The following TASOR2 variants were observed in gnomAD, a reference collection of about 807,000 sequenced individuals.
TASOR2 encodes the protein transcription activation suppressor family member 2, also known as protein TASOR 2.
TASOR2 carries 84 observed loss-of-function variants against 199.5 expected under a neutral mutation model. That is an observed-to-expected ratio of 0.42 (90% CI 0.35 to 0.50). The LOEUF is 0.50. TASOR2 is among the 20% of genes least tolerant of loss of function. The probability of loss-of-function intolerance (pLI) is 0.02; values close to 1 mark genes in which losing one functional copy is unlikely to be tolerated. For missense variants in TASOR2, 2,796 were observed against 2,835.9 expected, an observed-to-expected ratio of 0.99 and a Z score of 0.32; for synonymous variants, 1,103 against 1,046.6, an observed-to-expected ratio of 1.05 and a Z score of -1.04.
intron 2 of TASOR2, among the ~76,000 whole-genome samples, chr10:5,716,744 G>A (rs1488714692): frequency 1.3e-5 from 2 of 151,788 alleles, no homozygotes; most frequent in African/African-American, 2.4e-5. Context: ...GCCAAACCCC[G>A]TCTCTACTAA....
intron 14 of TASOR2, among the ~76,000 whole-genome samples, chr10:5,744,417 CTCA>C (rs1325513522): frequency 6.6e-6 from 1 of 152,214 alleles, no homozygotes; most frequent in Non-Finnish European, 1.5e-5. Context: ...ATTCTCCTGC[CTCA>C]GCCTCCCTAG....
chr10:5,753,285 C>G (rs1373435272), intron 15 of TASOR2, among the ~76,000 whole-genome samples: 1 of 152,174 alleles, frequency 6.6e-6, no homozygotes, highest in Non-Finnish European at 1.5e-5. Flanking sequence ...TTTCTTCAAA[C>G]TTGTGGAAGC....
At chr10:5,712,322 T>C (rs1023717140) in intron 1 of TASOR2, 3 of 1,076,182 alleles carry the variant, frequency 2.8e-6, no homozygotes, top group Middle Eastern at 3.4e-4. Flanking sequence ...TTGAGTGATA[T>C]TCAGTGTGTC....
chr10:5,742,234 A>C lies in TASOR2; in HGVS notation c.2465A>C (p.Lys822Thr). The change falls in exon 14 of 21, where the codon AAA becomes ACA. Residue 822 changes from lysine to threonine, a missense_variant. By Grantham distance (78) the Lys-to-Thr change is moderately conservative. Transcript: ENST00000328090. The surrounding 1 kb of genome is among the most constrained non-coding windows in gnomAD (Gnocchi z 4.2). Reference sequence around the variant, plus strand: ...GTTGTAGAACACAGCAACCCAGCAAAATATGTGTCTATAAATAGCACGTTA... The same window carrying C: ...GTTGTAGAACACAGCAACCCAGCAACATATGTGTCTATAAATAGCACGTTA... 1 of 1,614,184 alleles carries C rather than the reference A, an allele frequency of 6.2e-7. No homozygotes were observed. The highest frequency in any genetic ancestry group is 8.5e-7 in the Non-Finnish European group (1 of 1,180,030).
intron 11 of TASOR2, among the ~76,000 whole-genome samples, chr10:5,734,137 G>A (rs1455329850): frequency 6.6e-6 from 1 of 152,164 alleles, no homozygotes; most frequent in African/African-American, 2.4e-5. Context: ...AACATTAAAT[G>A]TGTGATTATT....
rs769884287 is a variant in TASOR2 at position 5,720,848 on chromosome 10, C to A, written c.47-23C>A. The A allele has an allele frequency of 4.4e-6, 7 of 1,592,592 alleles. No individual in the cohort carries two copies. Among genetic ancestry groups the A allele is most frequent in the Non-Finnish European group, 6.0e-6 (7 of 1,173,348 alleles). The stretch of plus-strand genomic sequence containing the variant: ...ATGTTTCATCATAAATAATCAGTTT[C>A]TTTTTTACCTTCATTTCTTCAGTTC... On this transcript the variant is annotated intron_variant, in intron 5 of 20. Transcript: ENST00000328090. The surrounding 1 kb of genome is among the most constrained non-coding windows in gnomAD (Gnocchi z 5.3).
intron 1 of TASOR2, among the ~76,000 whole-genome samples, chr10:5,700,724 G>A (rs1837718730): frequency 1.3e-5 from 2 of 152,030 alleles, no homozygotes; most frequent in East Asian, 3.9e-4. Flanking sequence ...CCATTTTTAT[G>A]TCTTCTTTTG....
chr10:5,723,867 C>A, intron 7 of TASOR2, 90 bp downstream of exon 8: 2 of 691,006 alleles, frequency 2.9e-6, no homozygotes, highest in Non-Finnish European at 4.6e-6. Flanking sequence ...ATGCACACTT[C>A]TGTTTCATCA....
At chr10:5,725,791 A>G (rs1833984186) in intron 8 of TASOR2, among the ~76,000 whole-genome samples, 1 of 152,120 alleles carries the variant, frequency 6.6e-6, no homozygotes, top group Non-Finnish European at 1.5e-5. Flanking sequence ...TTAAAGAAAT[A>G]GGCTCTTAAA....
rs1195538106 is a variant in TASOR2, at chr10:5,685,768, G to A, written c.-288+593G>A. 6.6e-6 allele frequency among the ~76,000 whole-genome samples: 1 copy of A among 152,174 alleles called. No homozygotes were observed. The highest frequency in any genetic ancestry group is 1.5e-5 in the Non-Finnish European group (1 of 68,032). The stretch of plus-strand genomic sequence containing the variant: ...CTGGGTTGATGACTGAAATTTTGAG[G>A]AAGATTACTTTGGGAATTCTCAAGT... On this transcript the variant is annotated intron_variant, in intron 1 of 20. Transcript: ENST00000328090. This position sits in a 1 kb window ranked among gnomAD's most constrained non-coding sequence, Gnocchi z 5.4.
chr10:5,743,171 G>C (rs1824511931), intron 14 of TASOR2, among the ~76,000 whole-genome samples: 3 of 152,132 alleles, frequency 2.0e-5, no homozygotes. Flanking sequence ...ACCTTTTAAA[G>C]TTTTCCGCCC....
Position 5,727,142 on chromosome 10 carries a change from C to T in TASOR2, c.487+19C>T. 6.2e-7 allele frequency: 1 copy of T among 1,613,544 alleles called. No individual in the cohort carries two copies. Among genetic ancestry groups the T allele is most frequent in the East Asian group, 2.2e-5 (1 of 44,872 alleles). On this transcript the variant is annotated intron_variant, in intron 10 of 20. Coordinates refer to ENST00000328090, the Ensembl canonical transcript of TASOR2. The stretch of plus-strand genomic sequence containing the variant: ...TCAACAGGTGAGGATACAATGGTTT[C>T]CAGCTCACTCTGTCTGTTGGATATA...
intron 18 of TASOR2, among the ~76,000 whole-genome samples, chr10:5,760,408 T>C (rs1361175028): frequency 6.6e-6 from 1 of 152,204 alleles, no homozygotes; most frequent in Non-Finnish European, 1.5e-5. Context: ...TATTGAGAAC[T>C]CATTAGAAAA....
chr10:5,744,298 GTTTTGTTTT>G (rs1340490959), intron 14 of TASOR2, among the ~76,000 whole-genome samples: 2 of 73,166 alleles, frequency 2.7e-5, no homozygotes, highest in Non-Finnish European at 7.4e-5. Flanking sequence ...CTGTTTTTTT[GTTTTGTTTT>G]GTTTTGTTTT....
chr10:5,715,076 C>A (rs73610587), intron 2 of TASOR2, among the ~76,000 whole-genome samples: 2,520 of 152,104 alleles, frequency 0.017, 77 homozygotes, highest in African/African-American at 0.058. Flanking sequence ...CAGTCTGTTA[C>A]CTGGAGACTT....
At chr10:5,694,320 T>G (rs912317261) in intron 1 of TASOR2, among the ~76,000 whole-genome samples, 1 of 152,152 alleles carries the variant, frequency 6.6e-6, no homozygotes, top group Non-Finnish European at 1.5e-5. Flanking sequence ...GGGGCTTTAA[T>G]TAGAAATAAA....
At chr10:5,708,899 A>C (rs1831558515) in intron 1 of TASOR2, among the ~76,000 whole-genome samples, 1 of 151,856 alleles carries the variant, frequency 6.6e-6, no homozygotes, top group African/African-American at 2.4e-5. Flanking sequence ...GTGGGGTCTC[A>C]CTTTGTTGCC....
intron 1 of TASOR2, among the ~76,000 whole-genome samples, chr10:5,703,173 T>C (rs1289733408): frequency 2.0e-5 from 3 of 152,168 alleles, no homozygotes; most frequent in Non-Finnish European, 4.4e-5. Flanking sequence ...ACTGCTAAAT[T>C]CTCAATAATT....
chr10:5,757,471 A>G (rs751525981), intron 16 of TASOR2, 49 bp from the exon 18 acceptor site: 1 of 1,546,576 alleles, frequency 6.5e-7, no homozygotes, highest in Non-Finnish European at 8.7e-7. Flanking sequence ...GTCTAAGAAA[A>G]TGTGCCCAGT....
Sources: gnomAD v4.1 joint callset for allele counts (sites outside exome capture counted in the v4.1 genomes callset) on GRCh38, gnomAD v4.1.1 for gene constraint, Gnocchi (gnomAD v3.1) non-coding constraint, MANE v1.5 for transcripts, NCBI Gene and HGNC (gene_info 2026-07-23, HGNC 2026-07-21) for gene names.